Variants in LSAMP observed in about 807,000 individuals in gnomAD.
LSAMP encodes the protein limbic system associated membrane protein, also known as limbic system-associated membrane protein.
LSAMP carries 7 observed loss-of-function variants against 38.6 expected under a neutral mutation model. That is an observed-to-expected ratio of 0.18 (90% CI 0.10 to 0.34). The LOEUF (loss-of-function observed/expected upper bound fraction) is 0.34, where lower values mean the gene tolerates loss of function less well. Ranked by LOEUF, LSAMP falls within the 10% of genes least tolerant of loss-of-function variation. The pLI is 1.00. For synonymous variants in LSAMP, 154 were observed against 166.8 expected, an observed-to-expected ratio of 0.92 and a Z score of 0.59; for missense variants, 313 against 420.0, an observed-to-expected ratio of 0.75 and a Z score of 2.23.
intron 3 of LSAMP, among the ~76,000 whole-genome samples, chr3:116,009,831 T>C (rs748591122): frequency 9.2e-5 from 14 of 152,038 alleles, no homozygotes; most frequent in Admixed American, 2.6e-4. Flanking sequence ...CGTGATAGTG[T>C]TGAGATCCTT....
At chr3:115,857,582 T>A (rs1935547680) in intron 3 of LSAMP, among the ~76,000 whole-genome samples, 1 of 152,180 alleles carries the variant, frequency 6.6e-6, no homozygotes, top group Non-Finnish European at 1.5e-5. Context: ...TCAACCAATT[T>A]CCACAAGCCT....
chr3:116,424,732 G>A (rs2049172347), intron 1 of LSAMP, among the ~76,000 whole-genome samples: 1 of 152,130 alleles, frequency 6.6e-6, no homozygotes, highest in South Asian at 2.1e-4. Context: ...GTCTTGGAAT[G>A]CCAGGCTTTC....
At chr3:116,128,193 C>G (rs375822155) in intron 1 of LSAMP, among the ~76,000 whole-genome samples, 4 of 152,196 alleles carry the variant, frequency 2.6e-5, no homozygotes, top group African/African-American at 9.6e-5. Flanking sequence ...GTTGCCCTAG[C>G]AAGAGCATTA....
At chr3:115,815,454 C>T (rs1933987764) in intron 6 of LSAMP, among the ~76,000 whole-genome samples, 1 of 152,112 alleles carries the variant, frequency 6.6e-6, no homozygotes, top group African/African-American at 2.4e-5. Context: ...TTCTTTAGCA[C>T]TTTATGCATT....
rs535864963 is a variant in LSAMP at position 115,912,876 on chromosome 3, A to G, written c.515-60259T>C. ...ACGAGACAAAAAGAACACCCAGGGA[A>G]CTTATGGCCATGCTGTTCCTTACAT... On this transcript the variant is annotated intron_variant, in intron 3 of 6. Coordinates refer to ENST00000490035, the MANE Select transcript of LSAMP (RefSeq NM_002338.5). Among the ~76,000 whole-genome samples the G allele has an allele frequency of 3.9e-5, 6 of 152,196 alleles. 1 individual carries two copies. The South Asian group carries it at 6.2e-4, about 16-fold the overall frequency.
At chr3:116,212,652 G>A (rs144554114) in intron 1 of LSAMP, among the ~76,000 whole-genome samples, 55 of 152,202 alleles carry the variant, frequency 3.6e-4, no homozygotes, top group African/African-American at 1.3e-3. Context: ...TAATGAACAT[G>A]TAACTAATGT....
At chr3:115,890,944 G>A (rs1314324922) in intron 3 of LSAMP, among the ~76,000 whole-genome samples, 2 of 151,818 alleles carry the variant, frequency 1.3e-5, no homozygotes, top group African/African-American at 2.4e-5. Context: ...TAAAAATACC[G>A]ACATTTTCCA....
At chr3:115,932,580 A>G (rs1197812112) in intron 3 of LSAMP, among the ~76,000 whole-genome samples, 1 of 152,208 alleles carries the variant, frequency 6.6e-6, no homozygotes, top group Non-Finnish European at 1.5e-5. Context: ...TAAAGCTGAA[A>G]AGATGATCAC....
At chr3:116,393,345 C>T (rs565188889) in intron 1 of LSAMP, among the ~76,000 whole-genome samples, 3 of 152,300 alleles carry the variant, frequency 2.0e-5, no homozygotes, top group South Asian at 4.1e-4. Flanking sequence ...GCTGGGTAAA[C>T]GGCTTGCAGT....
intron 1 of LSAMP, among the ~76,000 whole-genome samples, chr3:116,216,614 G>C (rs945201008): frequency 4.6e-5 from 7 of 151,828 alleles, no homozygotes; most frequent in African/African-American, 1.4e-4. Flanking sequence ...TAGGAAGTGG[G>C]AGACACAAAA....
chr3:116,110,800 T>G (rs974697074), intron 1 of LSAMP, among the ~76,000 whole-genome samples: 1 of 152,148 alleles, frequency 6.6e-6, no homozygotes, highest in Non-Finnish European at 1.5e-5. Context: ...GGCACCAAAT[T>G]TCATGCGCGT....
intron 3 of LSAMP, among the ~76,000 whole-genome samples, chr3:115,958,534 G>A (rs559644121): frequency 6.6e-6 from 1 of 152,228 alleles, no homozygotes; most frequent in African/African-American, 2.4e-5. Flanking sequence ...AGAAAATGGA[G>A]GTTGATATGA....
chr3:115,930,770 C>T (rs1264624444), intron 3 of LSAMP, among the ~76,000 whole-genome samples: 1 of 152,108 alleles, frequency 6.6e-6, no homozygotes, highest in African/African-American at 2.4e-5. Context: ...AGGAGATTAA[C>T]AGCAATTTGG....
chr3:116,036,404 T>G (rs114657367), intron 2 of LSAMP, among the ~76,000 whole-genome samples: 1 of 152,190 alleles, frequency 6.6e-6, no homozygotes, highest in Non-Finnish European at 1.5e-5. Flanking sequence ...GCCGTCACCT[T>G]GTAAGAGATA....
At chr3:116,035,357 C>T (rs984281315) in intron 2 of LSAMP, among the ~76,000 whole-genome samples, 2 of 152,118 alleles carry the variant, frequency 1.3e-5, no homozygotes, top group African/African-American at 4.8e-5. Flanking sequence ...TCAAAGTACA[C>T]CTTAGATTAT....
chr3:116,366,890 C>A (rs1388421498), intron 1 of LSAMP, among the ~76,000 whole-genome samples: 1 of 152,148 alleles, frequency 6.6e-6, no homozygotes, highest in Non-Finnish European at 1.5e-5. Context: ...CCCACATTAT[C>A]TTCCTGAGCC....
At chr3:116,088,264 T>C (rs1386324690) in intron 1 of LSAMP, among the ~76,000 whole-genome samples, 2 of 152,186 alleles carry the variant, frequency 1.3e-5, no homozygotes, top group Non-Finnish European at 2.9e-5. Context: ...TTCATAAACA[T>C]AACTAGATTT....
intron 1 of LSAMP, among the ~76,000 whole-genome samples, chr3:116,431,158 TGA>T (rs1049654702): frequency 6.6e-6 from 1 of 151,846 alleles, no homozygotes; most frequent in Non-Finnish European, 1.5e-5. Flanking sequence ...TGAGAGAGAA[TGA>T]GAGAGACCTC....
At chr3:116,294,443 AT>A (rs566755683) in intron 1 of LSAMP, among the ~76,000 whole-genome samples, 1 of 152,336 alleles carries the variant, frequency 6.6e-6, no homozygotes, top group African/African-American at 2.4e-5. Context: ...CAGAAAAGTC[AT>A]TTTATAAAAA....
Sources: allele counts gnomAD v4.1 joint callset (sites outside exome capture counted in the v4.1 genomes callset), GRCh38; gene constraint gnomAD v4.1.1; transcripts MANE v1.5; gene names NCBI Gene and HGNC (gene_info 2026-07-23, HGNC 2026-07-21).